Variants in DISC1 observed in about 807,000 individuals in gnomAD.
DISC1 encodes the protein disrupted in schizophrenia 1 protein.
Under a neutral mutation model 84.5 loss-of-function variants are expected in DISC1, and 57 were observed. That is an observed-to-expected ratio of 0.67 (90% CI 0.55 to 0.84). The LOEUF (loss-of-function observed/expected upper bound fraction) is 0.84. DISC1 is among the 40% of genes least tolerant of loss of function. The pLI is 0.00. For synonymous variants in DISC1, 411 were observed against 415.2 expected (o/e 0.99, Z 0.12); for missense variants, 1,000 against 1,057.8 (o/e 0.95, Z 0.76).
At chr1:231,727,211 C>T (rs1454970900) in intron 3 of DISC1, among the ~76,000 whole-genome samples, 3 of 152,162 alleles carry the variant, frequency 2.0e-5, no homozygotes, top group Admixed American at 2.0e-4. Context: ...TTTTCATGGA[C>T]ACCTGTGCTT....
intron 9 of DISC1, among the ~76,000 whole-genome samples, chr1:231,912,267 G>T (rs2089270073): frequency 1.3e-5 from 2 of 152,182 alleles, no homozygotes; most frequent in Non-Finnish European, 2.9e-5. Flanking sequence ...CTGATTTTTA[G>T]AATTTTCAGC....
intron 3 of DISC1, among the ~76,000 whole-genome samples, chr1:231,749,252 A>G (rs1342795655): frequency 2.0e-5 from 3 of 152,248 alleles, no homozygotes; most frequent in African/African-American, 4.8e-5. Context: ...GGGGGCAGGC[A>G]GAATGCCAGG....
At chr1:232,017,417 A>T (rs933379391) in intron 11 of DISC1, among the ~76,000 whole-genome samples, 1 of 151,278 alleles carries the variant, frequency 6.6e-6, no homozygotes, top group Non-Finnish European at 1.5e-5. Context: ...AAATACTGCT[A>T]TAGCCCCAAA....
rs769488818 is a variant in DISC1, at chr1:231,983,736, A to C, written c.2042+24848A>C. Among the ~76,000 whole-genome samples the C allele has an allele frequency of 3.7e-4, 56 of 152,168 alleles. 1 individual carries two copies. In the Middle Eastern group the frequency reaches 0.01, roughly 28 times the overall value. ...AAAACTTAATACTGTGTCAGCTAGCAAAGAAAATACCTAAAGGGATCAGCT... is the reference window on the plus strand; with the variant it reads ...AAAACTTAATACTGTGTCAGCTAGCCAAGAAAATACCTAAAGGGATCAGCT... On this transcript the variant is annotated intron_variant, in intron 10 of 12. Transcript: ENST00000439617.
At chr1:231,751,557 C>A (rs1337463478) in intron 4 of DISC1, among the ~76,000 whole-genome samples, 1 of 152,078 alleles carries the variant, frequency 6.6e-6, no homozygotes, top group Non-Finnish European at 1.5e-5. Flanking sequence ...CAATCATCAC[C>A]ACCATTCATC....
intron 9 of DISC1, among the ~76,000 whole-genome samples, chr1:231,836,218 A>G (rs1400425829): frequency 1.3e-5 from 2 of 151,994 alleles, no homozygotes; most frequent in Non-Finnish European, 2.9e-5. Context: ...TCTTAAGTTG[A>G]TCCATTATAA....
chr1:231,787,228 G>A (rs962873259), intron 6 of DISC1, among the ~76,000 whole-genome samples: 2 of 152,158 alleles, frequency 1.3e-5, no homozygotes, highest in African/African-American at 4.8e-5. Context: ...AGCTGTCTTA[G>A]TCCATTTTGT....
chr1:231,843,725 T>G (rs1344076808), intron 9 of DISC1, among the ~76,000 whole-genome samples: 2 of 152,084 alleles, frequency 1.3e-5, no homozygotes, highest in Admixed American at 6.5e-5. Context: ...CTTTCTGGCC[T>G]GGACCACCGG....
chr1:231,778,913 G>T (rs769170611), intron 6 of DISC1, among the ~76,000 whole-genome samples: 1 of 152,162 alleles, frequency 6.6e-6, no homozygotes, highest in Non-Finnish European at 1.5e-5. Flanking sequence ...CCAGTGGGCC[G>T]GGAGGTCGGA....
intron 9 of DISC1, among the ~76,000 whole-genome samples, chr1:231,903,067 C>A (rs1218030528): frequency 7.5e-6 from 1 of 133,568 alleles, no homozygotes; most frequent in African/African-American, 2.7e-5. Flanking sequence ...TTCTCTCTCT[C>A]ATTTTTTTTT....
intron 1 of DISC1, among the ~76,000 whole-genome samples, chr1:231,646,052 ACTTTT>A (rs1187982306): frequency 8.5e-6 from 1 of 117,854 alleles, no homozygotes; most frequent in Non-Finnish European, 1.8e-5. Context: ...CAGAATATGT[ACTTTT>A]CTTTTTTTTT....
chr1:231,988,042 C>G (rs186916114), intron 10 of DISC1, among the ~76,000 whole-genome samples: 7 of 151,976 alleles, frequency 4.6e-5, no homozygotes, highest in Non-Finnish European at 8.8e-5. Context: ...CAAAATTAGC[C>G]GGGTGTGGTG....
At chr1:232,013,319 G>A (rs187021522) in intron 11 of DISC1, among the ~76,000 whole-genome samples, 19 of 152,242 alleles carry the variant, frequency 1.2e-4, no homozygotes, top group African/African-American at 3.6e-4. Flanking sequence ...GAGTCATTGC[G>A]TGCAGTATGT....
chr1:231,794,002 G>A (rs2078551283), intron 6 of DISC1, among the ~76,000 whole-genome samples: 1 of 152,012 alleles, frequency 6.6e-6, no homozygotes, highest in South Asian at 2.1e-4. Context: ...CACGCTGCTC[G>A]CGAACTCCTG....
intron 3 of DISC1, among the ~76,000 whole-genome samples, chr1:231,717,734 G>A (rs6696914): frequency 0.28 from 42,776 of 151,990 alleles, 6,661 homozygotes; most frequent in East Asian, 0.36. Context: ...TTGTATGAAC[G>A]CATCAGACAA....
intron 3 of DISC1, among the ~76,000 whole-genome samples, chr1:231,734,779 A>G (rs2072254132): frequency 6.6e-6 from 1 of 152,194 alleles, no homozygotes; most frequent in Admixed American, 6.5e-5. Flanking sequence ...TTGTCTTCCA[A>G]AATTTTTGTA....
At chr1:231,639,059 C>T (rs922234435) in intron 1 of DISC1, among the ~76,000 whole-genome samples, 1 of 152,168 alleles carries the variant, frequency 6.6e-6, no homozygotes, top group Non-Finnish European at 1.5e-5. Flanking sequence ...CCATGGCATG[C>T]AGGAGTAGGT....
intron 3 of DISC1, among the ~76,000 whole-genome samples, chr1:231,708,416 A>G (rs1056671826): frequency 2.0e-5 from 3 of 152,254 alleles, no homozygotes; most frequent in African/African-American, 7.2e-5. Flanking sequence ...CACTGTGCGT[A>G]TACATAACAA....
Position 231,694,527 on chromosome 1 carries a change from G to T in DISC1, c.769G>T (p.Glu257Ter), listed in dbSNP as rs777504676. The change falls in exon 2 of 13, where the codon GAG becomes TAG. Residue 257 changes from glutamate (E) to a stop codon, truncating the protein, a stop_gained. Transcript: ENST00000439617. LOFTEE classifies it high-confidence loss of function. ...AGCTGCCAGCTTGGACGGGCCTCACGAGGACCCGCGATGTCTCTCTCGGCC... is the reference window on the plus strand; with the variant it reads ...AGCTGCCAGCTTGGACGGGCCTCACTAGGACCCGCGATGTCTCTCTCGGCC... The part of the protein sequence containing the change: ...AKAASLDGPH[E>*]DPRCLSRPFS... The T allele has an allele frequency of 6.2e-7, 1 of 1,614,108 alleles. No homozygotes were observed. The highest frequency in any genetic ancestry group is 1.3e-5 in the African/African-American group (1 of 74,958).
Sources: gnomAD v4.1 joint callset for allele counts (sites outside exome capture counted in the v4.1 genomes callset) on GRCh38, gnomAD v4.1.1 for gene constraint, MANE v1.5 for transcripts, NCBI Gene and HGNC (gene_info 2026-07-23, HGNC 2026-07-21) for gene names.